Variants in GABRB1 observed in about 807,000 individuals in gnomAD.
GABRB1 encodes the protein gamma-aminobutyric acid type A receptor subunit beta1, also known as gamma-aminobutyric acid receptor subunit beta-1.
A neutral mutation model predicts 51.6 loss-of-function variants in GABRB1; 17 were observed. That is an observed-to-expected ratio of 0.33 (90% CI 0.23 to 0.49). The LOEUF (loss-of-function observed/expected upper bound fraction) is 0.49, where lower values mean the gene tolerates loss of function less well. Among genes scored for constraint, GABRB1 ranks in the 20% least tolerant of loss-of-function variants. The pLI, the probability that GABRB1 is intolerant of heterozygous loss-of-function variation, is 0.99. For synonymous variants in GABRB1, 247 were observed against 218.9 expected (o/e 1.13, Z -1.14); for missense variants, 410 against 600.6 (o/e 0.68, Z 3.32).
At chr4:47,211,865 T>C (rs148858432) in intron 4 of GABRB1, among the ~76,000 whole-genome samples, 1 of 152,192 alleles carries the variant, frequency 6.6e-6, no homozygotes, top group Non-Finnish European at 1.5e-5. Flanking sequence ...GATTCCAGTC[T>C]GTTTTTGACT....
intron 3 of GABRB1, among the ~76,000 whole-genome samples, chr4:47,138,139 G>A (rs1323549980): frequency 6.6e-6 from 1 of 152,006 alleles, no homozygotes; most frequent in Non-Finnish European, 1.5e-5. Flanking sequence ...GGACTCTATG[G>A]TCTTCAGTTC....
At chr4:47,223,952 T>G (rs555874097) in intron 4 of GABRB1, among the ~76,000 whole-genome samples, 3 of 152,232 alleles carry the variant, frequency 2.0e-5, no homozygotes, top group South Asian at 4.1e-4. Context: ...TACTTTTGAG[T>G]GGAAAATATG....
intron 4 of GABRB1, among the ~76,000 whole-genome samples, chr4:47,263,344 A>C (rs539840529): frequency 4.6e-5 from 7 of 152,076 alleles, no homozygotes; most frequent in African/African-American, 1.7e-4. Context: ...AAAATAACCC[A>C]TCGGATAGCC....
intron 8 of GABRB1, among the ~76,000 whole-genome samples, chr4:47,413,177 C>CT (rs1728813640): frequency 6.6e-6 from 1 of 152,238 alleles, no homozygotes; most frequent in Non-Finnish European, 1.5e-5. Context: ...TTGGGGGCTG[C>CT]TTTTTGTTAA....
At chr4:47,239,753 T>G (rs1036506858) in intron 4 of GABRB1, among the ~76,000 whole-genome samples, 4 of 152,198 alleles carry the variant, frequency 2.6e-5, no homozygotes, top group Non-Finnish European at 5.9e-5. Flanking sequence ...AGCAATACTG[T>G]AGCTGTTTTT....
intron 4 of GABRB1, among the ~76,000 whole-genome samples, chr4:47,212,334 C>T (rs537017779): frequency 2.6e-5 from 4 of 152,180 alleles, no homozygotes; most frequent in East Asian, 3.9e-4. Context: ...TTCCAGGTGC[C>T]GAGCAAGGGA....
chr4:47,073,978 A>G (rs1035043115), intron 3 of GABRB1, among the ~76,000 whole-genome samples: 1 of 152,156 alleles, frequency 6.6e-6, no homozygotes, highest in African/African-American at 2.4e-5. Context: ...TGACACCTGT[A>G]TTTTCTCTTT....
At chr4:47,034,706 A>G (rs1042093700) in intron 3 of GABRB1, among the ~76,000 whole-genome samples, 1 of 152,178 alleles carries the variant, frequency 6.6e-6, no homozygotes, top group African/African-American at 2.4e-5. Context: ...ACATTGAAAT[A>G]AATAGATTGG....
intron 1 of GABRB1, among the ~76,000 whole-genome samples, chr4:47,023,841 A>G (rs1725005614): frequency 6.6e-6 from 1 of 151,994 alleles, no homozygotes; most frequent in Non-Finnish European, 1.5e-5. Context: ...AAAATTGAGT[A>G]AGGGTGTAAA....
intron 4 of GABRB1, among the ~76,000 whole-genome samples, chr4:47,298,616 A>G (rs527732965): frequency 2.0e-4 from 30 of 152,380 alleles, no homozygotes; most frequent in African/African-American, 6.5e-4. Context: ...AGAACATTCC[A>G]TGCTCATGGG....
chr4:47,213,740 T>C (rs1279244881), intron 4 of GABRB1, among the ~76,000 whole-genome samples: 1 of 152,160 alleles, frequency 6.6e-6, no homozygotes, highest in East Asian at 1.9e-4. Context: ...TGCCATCTTC[T>C]GTTCATTGTA....
rs561595935 is a variant in GABRB1, at chr4:47,312,745, A to G, written c.462-7382A>G. On this transcript the variant is annotated intron_variant, in intron 4 of 8. Transcript: ENST00000295454. ...TAAAACTTGGGAGTTCTTCCTGATA[A>G]AATTCATGATTATAGGAAAACCTCA... Among the ~76,000 whole-genome samples, 29 of 152,336 alleles carry G rather than the reference A, an allele frequency of 1.9e-4. No homozygotes were observed. In the South Asian group the frequency reaches 2.1e-3, roughly 11 times the overall value.
At chr4:47,334,301 A>G (rs1326302374) in intron 5 of GABRB1, among the ~76,000 whole-genome samples, 1 of 152,112 alleles carries the variant, frequency 6.6e-6, no homozygotes, top group African/African-American at 2.4e-5. Context: ...GTCCTCCTCA[A>G]TCTATTTTCC....
chr4:47,363,732 TAAGG>T (rs1203508459), intron 5 of GABRB1, among the ~76,000 whole-genome samples: 1 of 152,198 alleles, frequency 6.6e-6, no homozygotes, highest in Non-Finnish European at 1.5e-5. Context: ...AAAGGGCTAA[TAAGG>T]AAGGAATCCT....
chr4:47,273,968 T>G (rs1215389336), intron 4 of GABRB1, among the ~76,000 whole-genome samples: 3 of 152,042 alleles, frequency 2.0e-5, no homozygotes, highest in African/African-American at 7.2e-5. Flanking sequence ...TGAAAGATTA[T>G]GCATGCATAC....
At chr4:47,147,266 A>G (rs1009955326) in intron 3 of GABRB1, among the ~76,000 whole-genome samples, 1 of 138,612 alleles carries the variant, frequency 7.2e-6, no homozygotes, top group Non-Finnish European at 1.5e-5. Context: ...ACAGCAACCA[A>G]TTTAAGTCCA....
rs1460159124 is a variant in GABRB1 at position 47,032,690 on chromosome 4, G to C, written c.240+206G>C. 3 of 714,492 alleles carry C rather than the reference G, an allele frequency of 4.2e-6. No homozygotes were observed. In the South Asian group the frequency reaches 4.5e-5, roughly 11 times the overall value. 44.3% of individuals were successfully genotyped at this position (714,492 alleles called of 1,614,324 possible). ...CACGGGCTACTGCGGTGTTCCAGGG[G>C]AAACGTGCTCGGCACTATTTTGGGA... is the stretch of plus-strand genomic sequence containing the variant. On this transcript the variant is annotated intron_variant, in intron 3 of 8. Transcript: ENST00000295454.
intron 5 of GABRB1, among the ~76,000 whole-genome samples, chr4:47,336,172 G>A (rs576421167): frequency 1.3e-5 from 2 of 152,256 alleles, no homozygotes; most frequent in Admixed American, 1.3e-4. Flanking sequence ...GATATCAAGT[G>A]AAAGTCTAAG....
intron 4 of GABRB1, among the ~76,000 whole-genome samples, chr4:47,198,669 G>C (rs1372512208): frequency 3.9e-5 from 6 of 152,150 alleles, no homozygotes; most frequent in Non-Finnish European, 5.9e-5. Flanking sequence ...ACAGTTAGGA[G>C]GAAAGTAAAA....
Sources: gnomAD v4.1 joint callset for allele counts (sites outside exome capture counted in the v4.1 genomes callset) on GRCh38, gnomAD v4.1.1 for gene constraint, MANE v1.5 for transcripts, NCBI Gene and HGNC (gene_info 2026-07-23, HGNC 2026-07-21) for gene names.